HOXA3: variants seen among roughly 807,000 people sequenced by gnomAD.
HOXA3 encodes homeobox A3, also known as homeobox protein Hox-A3.
A neutral mutation model predicts 30.3 loss-of-function variants in HOXA3; 8 were observed. That is an observed-to-expected ratio of 0.26 (90% CI 0.15 to 0.48). HOXA3 has a LOEUF of 0.48. HOXA3 is among the 20% of genes least tolerant of loss of function. The probability of loss-of-function intolerance (pLI) is 0.99; values close to 1 mark genes in which losing one functional copy is unlikely to be tolerated. For missense variants in HOXA3, 653 were observed against 614.4 expected (o/e 1.06, Z -0.66); for synonymous variants, 323 against 273.1 (o/e 1.18, Z -1.80).
intron 2 of HOXA3, chr7:27,130,529 G>A (rs1206271886): frequency 7.4e-7 from 1 of 1,356,256 alleles, no homozygotes; most frequent in Admixed American, 3.2e-5. Context: ...GAGGCAGTGG[G>A]CTCTCGGCCG....
intron 1 of HOXA3, chr7:27,141,407 A>G: frequency 6.1e-6 from 1 of 163,496 alleles, no homozygotes; most frequent in Non-Finnish European, 1.3e-5. Flanking sequence ...GAATAAAAAT[A>G]TCTTTAACAG....
rs1157184308 is a variant in HOXA3 at position 27,110,499 on chromosome 7, G to T, written c.142C>A (p.Pro48Thr). 5.0e-6 allele frequency: 8 copies of T among 1,605,390 alleles called. No homozygotes were observed. Among genetic ancestry groups the T allele is most frequent in the Non-Finnish European group, 6.8e-6 (8 of 1,174,226 alleles). ...ALGADGEYHRPACSLQSPSSA... is the reference protein window; with the variant it reads ...ALGADGEYHRTACSLQSPSSA... ...GAGGGAGACTGGAGGGAGCAGGCGG[G>T]TCGGTGGTACTCGCCGTCGGCGCCC... is the stretch of plus-strand genomic sequence containing the variant. The change falls in exon 5 of 6, where the codon CCC becomes ACC. Residue 48 changes from proline (P) to threonine (T), a missense_variant. By Grantham distance (38) the Pro-to-Thr change is conservative. Coordinates refer to ENST00000612286, the MANE Select transcript of HOXA3 (RefSeq NM_153631.3).
intron 4 of HOXA3, among the ~76,000 whole-genome samples, chr7:27,120,199 A>G (rs1784934969): frequency 6.6e-6 from 1 of 152,190 alleles, no homozygotes; most frequent in Non-Finnish European, 1.5e-5. Context: ...AAAGATGAGA[A>G]GGGGCCCCCT....
chr7:27,116,904 T>C (rs1784755241), intron 4 of HOXA3, among the ~76,000 whole-genome samples: 1 of 152,212 alleles, frequency 6.6e-6, no homozygotes, highest in South Asian at 2.1e-4. Flanking sequence ...CCTTTCGTTC[T>C]GGGGTAGTAA....
In HOXA3 at chr7:27,110,329, C is replaced by T; in HGVS notation, c.312G>A (p.Pro104=). ...CAGGGGGCTGAGGTGCGGGCTGAGGCGGCTGTGGGGCAGGGGGCGCGGCCT... is the reference window on the plus strand; with the variant it reads ...CAGGGGGCTGAGGTGCGGGCTGAGGTGGCTGTGGGGCAGGGGGCGCGGCCT... ...PPQAAPPAPQ[P]PQPAPQPPAP... The change falls in exon 5 of 6, where the codon CCG becomes CCA. Residue 104 remains proline (P), a synonymous_variant. Coordinates refer to ENST00000612286, the MANE Select transcript of HOXA3 (RefSeq NM_153631.3). 1 of 1,374,928 alleles carries T rather than the reference C, an allele frequency of 7.3e-7. No homozygotes were observed. Among genetic ancestry groups the T allele is most frequent in the Non-Finnish European group, 9.5e-7 (1 of 1,048,766 alleles). 85.2% of individuals were successfully genotyped at this position (1,374,928 alleles called of 1,614,324 possible).
intron 2 of HOXA3, among the ~76,000 whole-genome samples, chr7:27,135,538 T>G (rs1785684412): frequency 6.6e-6 from 1 of 152,196 alleles, no homozygotes; most frequent in Non-Finnish European, 1.5e-5. Context: ...TTCAGCGGAC[T>G]GTAGTTTCAG....
Position 27,130,425 on chromosome 7 carries a change from G to C in HOXA3, c.-389-3355C>G, listed in dbSNP as rs770845622. ...GCCCGGGGCTGGCGCCGCCGCGGTA[G>C]CCATAGGGGTAGGCGGTGTCCGCGG... On this transcript the variant is annotated intron_variant, in intron 2 of 5. Transcript: ENST00000612286. The C allele has an allele frequency of 1.7e-5, 20 of 1,182,304 alleles. No individual in the cohort carries two copies. In the African/African-American group the frequency reaches 2.9e-4, roughly 17 times the overall value. 73.2% of individuals were successfully genotyped at this position (1,182,304 alleles called of 1,614,324 possible). A position where few individuals can be genotyped will look rare whatever the true frequency, so the allele number is the denominator to read the frequency against.
rs551584553 is a variant in HOXA3, at chr7:27,107,279, C to T, written c.*636G>A. 1 of 152,192 alleles carries T rather than the reference C, an allele frequency of 6.6e-6. No homozygotes were observed. The highest frequency in any genetic ancestry group is 2.1e-4 in the South Asian group (1 of 4,818). The allele number at this position is 152,192 out of a possible 1,614,324, so 9.4% of individuals were successfully genotyped here. On this transcript the variant is annotated 3_prime_UTR_variant, in exon 6 of 6. Coordinates refer to ENST00000612286, the MANE Select transcript of HOXA3 (RefSeq NM_153631.3). ...ACAATTGAACAAAAGGCCCAAGAAC[C>T]CTTCTGAACCATCAGGGTACAGAAT...
chr7:27,142,193 G>C, intron 1 of HOXA3: 2 of 1,256,754 alleles, frequency 1.6e-6, no homozygotes, highest in South Asian at 1.5e-5. Flanking sequence ...AGCTCAACAA[G>C]TTCTGCCTAC....
intron 2 of HOXA3, among the ~76,000 whole-genome samples, chr7:27,135,455 G>A (rs1179155413): frequency 6.6e-6 from 1 of 152,136 alleles, no homozygotes; most frequent in African/African-American, 2.4e-5. Context: ...AAGGGGTGAA[G>A]GGAGAATTCT....
intron 4 of HOXA3, among the ~76,000 whole-genome samples, chr7:27,119,115 T>A: frequency 6.8e-6 from 1 of 148,026 alleles, no homozygotes; most frequent in Non-Finnish European, 1.5e-5. Flanking sequence ...ATAAAAAATA[T>A]CAGAGGAAAT....
chr7:27,108,852 GA>G lies in HOXA3; in HGVS notation c.527-133del. The G allele has an allele frequency of 1.5e-6, 1 of 649,602 alleles. No individual in the cohort carries two copies. The highest frequency in any genetic ancestry group is 2.6e-6 in the Non-Finnish European group (1 of 382,034). 40.2% of individuals were successfully genotyped at this position (649,602 alleles called of 1,614,324 possible). On this transcript the variant is annotated intron_variant, in intron 5 of 5. Transcript: ENST00000612286. The surrounding 1 kb of genome is among the most constrained non-coding windows in gnomAD (Gnocchi z 5.0). ...TCCGTCAGGTCCCAGAGAGAAGTAG[GA>G]ACTAGGTGCTATCCTCTCTCCTGGT... is the stretch of plus-strand genomic sequence containing the variant.
intron 1 of HOXA3, among the ~76,000 whole-genome samples, chr7:27,146,075 G>A (rs1782752534): frequency 6.6e-6 from 1 of 152,194 alleles, no homozygotes; most frequent in African/African-American, 2.4e-5. Context: ...CTGAATGGGA[G>A]ATTATTTCAT....
intron 1 of HOXA3, among the ~76,000 whole-genome samples, chr7:27,149,698 C>T (rs966902287): frequency 2.6e-5 from 4 of 152,192 alleles, no homozygotes; most frequent in African/African-American, 9.7e-5. Context: ...CCACACATTA[C>T]TTCAGGGAAA....
chr7:27,151,031 C>G (rs1782954656), intron 1 of HOXA3: 1 of 152,318 alleles, frequency 6.6e-6, no homozygotes, highest in South Asian at 2.1e-4. Context: ...CCGCGGCAGC[C>G]GCAGTCAGGA....
At chr7:27,111,447 G>A (rs1784368889) in intron 4 of HOXA3, among the ~76,000 whole-genome samples, 1 of 151,654 alleles carries the variant, frequency 6.6e-6, no homozygotes, top group South Asian at 2.1e-4. Flanking sequence ...TTGTGGCCAA[G>A]CCAAGGGGGG....
chr7:27,130,757 T>C, intron 2 of HOXA3: 1 of 1,594,036 alleles, frequency 6.3e-7, no homozygotes, highest in Non-Finnish European at 8.6e-7. Context: ...GCAAAAATAC[T>C]AATTTTTCTC....
At chr7:27,149,400 T>C (rs965104689) in intron 1 of HOXA3, among the ~76,000 whole-genome samples, 8 of 152,058 alleles carry the variant, frequency 5.3e-5, no homozygotes, top group Non-Finnish European at 1.0e-4. Context: ...AGTGGGGAGG[T>C]GGCAATTGGC....
intron 4 of HOXA3, among the ~76,000 whole-genome samples, chr7:27,114,451 T>C (rs1190916375): frequency 6.6e-6 from 1 of 151,068 alleles, no homozygotes; most frequent in Non-Finnish European, 1.5e-5. Context: ...TGGGTGGGGG[T>C]GTGGGGAGCT....
Sources: allele counts gnomAD v4.1 joint callset (sites outside exome capture counted in the v4.1 genomes callset), GRCh38; gene constraint gnomAD v4.1.1; non-coding constraint Gnocchi (gnomAD v3.1); transcripts MANE v1.5; gene names NCBI Gene and HGNC (gene_info 2026-07-23, HGNC 2026-07-21).